Variants in ZNF146 observed in about 807,000 individuals in gnomAD.
The protein encoded by ZNF146 is zinc finger protein OZF.
ZNF146 carries 9 observed loss-of-function variants against 22.2 expected under a neutral mutation model. The observed-to-expected ratio is 0.41, with a 90% CI of 0.24 to 0.71. The LOEUF (loss-of-function observed/expected upper bound fraction) is 0.71, where lower values mean the gene tolerates loss of function less well. Among genes scored for constraint, ZNF146 ranks in the 30% least tolerant of loss-of-function variants. The pLI, the probability that ZNF146 is intolerant of heterozygous loss-of-function variation, is 0.34. For missense variants in ZNF146, 194 were observed against 344.8 expected (o/e 0.56, Z 3.46); for synonymous variants, 108 against 119.2 (o/e 0.91, Z 0.61).
chr19:36,235,224 G>A (rs985808450), intron 3 of ZNF146, among the ~76,000 whole-genome samples: 3 of 122,752 alleles, frequency 2.4e-5, no homozygotes, highest in African/African-American at 3.4e-5. Context: ...AAAAAAAGAA[G>A]AAAGAAAGAT....
At chr19:36,229,572 G>A (rs895774467) in intron 3 of ZNF146, among the ~76,000 whole-genome samples, 2 of 152,042 alleles carry the variant, frequency 1.3e-5, no homozygotes, top group Non-Finnish European at 2.9e-5. Flanking sequence ...AGGTAACCTA[G>A]GAATAAGCCA....
chr19:36,221,030 T>C (rs987701125), intron 2 of ZNF146, among the ~76,000 whole-genome samples: 11 of 151,752 alleles, frequency 7.2e-5, no homozygotes, highest in African/African-American at 2.7e-4. Context: ...TTTTTGTATT[T>C]CTAGTAGAGA....
Position 36,235,321 on chromosome 19 carries a change from A to G in ZNF146, c.-782-338A>G, listed in dbSNP as rs769193928. 4.2e-4 allele frequency among the ~76,000 whole-genome samples: 64 copies of G among 152,182 alleles called. 1 individual carries two copies. The Middle Eastern group carries it at 0.024, about 57-fold the overall frequency. On this transcript the variant is annotated intron_variant, in intron 3 of 3. Transcript: ENST00000443387. ...ATTTGGCAATTCTTCATTATTTGTT[A>G]TACAACTTGCTAAATTCTGAAATGG...
chr19:36,236,878 T>C lies in ZNF146; in HGVS notation c.438T>C (p.His146=), dbSNP rs982235410. 6.2e-7 allele frequency: 1 copy of C among 1,614,018 alleles called. No homozygotes were observed. Among genetic ancestry groups the C allele is most frequent in the Admixed American group, 1.7e-5 (1 of 60,022 alleles). Residue 146 remains histidine, a synonymous_variant, in exon 4 of 4, where the codon CAT becomes CAC. Transcript: ENST00000443387. ...TFSGKSNLTE[H]EKIHIGEKPF... is the part of the protein sequence containing the mutation. ...GTGGCAAATCCAACCTTACTGAGCA[T>C]GAGAAAATCCATATTGGAGAGAAGC...
intron 2 of ZNF146, among the ~76,000 whole-genome samples, chr19:36,219,384 T>C (rs1458967932): frequency 6.6e-6 from 1 of 152,086 alleles, no homozygotes. Flanking sequence ...AGGCTGGAAG[T>C]TAGATTTCTG....
chr19:36,230,871 G>A (rs1258543667), intron 3 of ZNF146, among the ~76,000 whole-genome samples: 5 of 151,984 alleles, frequency 3.3e-5, no homozygotes, highest in African/African-American at 7.3e-5. Flanking sequence ...GTGCGATCTC[G>A]GCTCACTGCA....
chr19:36,218,020 G>T (rs1267812083), intron 1 of ZNF146, 102 bp from the exon 2 acceptor site: 1 of 151,698 alleles, frequency 6.6e-6, no homozygotes, highest in Non-Finnish European at 1.5e-5. Context: ...GACCAGGCTG[G>T]TCTCGAACTC....
chr19:36,225,760 T>G, intron 2 of ZNF146, among the ~76,000 whole-genome samples: 1 of 143,174 alleles, frequency 7.0e-6, no homozygotes, highest in African/African-American at 2.6e-5. Flanking sequence ...TTCTTTTTTT[T>G]TTTTTTTTTT....
chr19:36,234,141 C>T (rs374173415), intron 3 of ZNF146, among the ~76,000 whole-genome samples: 19 of 152,288 alleles, frequency 1.2e-4, no homozygotes, highest in East Asian at 5.8e-4. Context: ...TCCTGCACAG[C>T]CCTTAATCCA....
rs1011537495 is a variant in ZNF146 at position 36,237,788 on chromosome 19, G to A, written c.*469G>A. The A allele has an allele frequency of 1.2e-5, 2 of 167,188 alleles. No individual in the cohort carries two copies. Among genetic ancestry groups the A allele is most frequent in the African/African-American group, 4.8e-5 (2 of 41,434 alleles). The allele number at this position is 167,188 out of a possible 1,614,324, so 10.4% of individuals were successfully genotyped here. A position where few individuals can be genotyped will look rare whatever the true frequency, so the allele number is the denominator to read the frequency against. ...ATGCATTTATTAGAATTTGGAATAT[G>A]ATACAAGTGGCATCAGGAAATGAGG... On this transcript the variant is annotated 3_prime_UTR_variant, in exon 4 of 4. Transcript: ENST00000443387.
chr19:36,225,453 G>T (rs1344844791), intron 2 of ZNF146, among the ~76,000 whole-genome samples: 2 of 151,710 alleles, frequency 1.3e-5, no homozygotes, highest in African/African-American at 4.8e-5. Context: ...TAAAAGTTTT[G>T]TGTCTTAAGT....
chr19:36,237,566 AGT>A lies in ZNF146; in HGVS notation c.*249_*250del, dbSNP rs1977690396. 2 of 334,902 alleles carry A rather than the reference AGT, an allele frequency of 6.0e-6. No individual in the cohort carries two copies. Among genetic ancestry groups the A allele is most frequent in the Non-Finnish European group, 1.1e-5 (2 of 179,206 alleles). 20.7% of individuals were successfully genotyped at this position (334,902 alleles called of 1,614,324 possible). On this transcript the variant is annotated 3_prime_UTR_variant, in exon 4 of 4. Transcript: ENST00000443387. The stretch of plus-strand genomic sequence containing the variant: ...AAAGTTTAGGCACATTTTCACTAAA[AGT>A]GGGAACAGAAAATGGAGGCCTGTTT...
chr19:36,218,539 C>T (rs945618352), intron 2 of ZNF146, among the ~76,000 whole-genome samples: 8 of 151,674 alleles, frequency 5.3e-5, no homozygotes, highest in Non-Finnish European at 1.2e-4. Context: ...GATCTCGGCT[C>T]ACTGCAGGCT....
intron 2 of ZNF146, among the ~76,000 whole-genome samples, chr19:36,225,621 T>G (rs1418313951): frequency 6.6e-6 from 1 of 151,830 alleles, no homozygotes; most frequent in African/African-American, 2.4e-5. Context: ...TGGCTAGTTT[T>G]TTTGTATTTT....
At position 36,227,313 on chromosome 19, in the gene ZNF146, C is replaced by T. The variant is rs552411097; in HGVS notation, c.-854-1435C>T. ...CTGAGGCAGGAGAATGGCTTGAACC[C>T]GGGAGGCAGAGGTTGCAGTGAGCAG... On this transcript the variant is annotated intron_variant, in intron 2 of 3. Transcript: ENST00000443387. Among the ~76,000 whole-genome samples the T allele has an allele frequency of 1.2e-3, 181 of 147,850 alleles. 1 individual carries two copies. Among genetic ancestry groups the T allele is most frequent in the South Asian group, 0.011 (49 of 4,616 alleles).
At chr19:36,229,277 GC>G (rs752270324) in intron 3 of ZNF146, among the ~76,000 whole-genome samples, 1 of 152,074 alleles carries the variant, frequency 6.6e-6, no homozygotes, top group Non-Finnish European at 1.5e-5. Flanking sequence ...ACTCATCTCT[GC>G]CATCGTAGAT....
At chr19:36,229,856 A>G (rs1214670823) in intron 3 of ZNF146, among the ~76,000 whole-genome samples, 1 of 152,162 alleles carries the variant, frequency 6.6e-6, no homozygotes, top group Non-Finnish European at 1.5e-5. Flanking sequence ...AGTAGCTGGG[A>G]TTACAGGCAT....
chr19:36,225,752 C>CTTTT (rs67760026), intron 2 of ZNF146, among the ~76,000 whole-genome samples: 7 of 66,724 alleles, frequency 1.0e-4, no homozygotes, highest in African/African-American at 3.0e-4. Context: ...CTTTGTGATT[C>CTTTT]TTTTTTTTTT....
chr19:36,223,766 G>C (rs1018553531), intron 2 of ZNF146, among the ~76,000 whole-genome samples: 2 of 151,604 alleles, frequency 1.3e-5, no homozygotes, highest in Non-Finnish European at 2.9e-5. Context: ...GATTGTTTTA[G>C]AGTTGGATCT....
Sources: allele counts gnomAD v4.1 joint callset (sites outside exome capture counted in the v4.1 genomes callset), GRCh38; gene constraint gnomAD v4.1.1; transcripts MANE v1.5; gene names NCBI Gene and HGNC (gene_info 2026-07-23, HGNC 2026-07-21).